VWA3B: variants seen among roughly 807,000 people sequenced by gnomAD.
VWA3B encodes von Willebrand factor A domain containing 3B.
In VWA3B, 138 loss-of-function variants were observed where a neutral mutation model predicts 158.3. The ratio of observed to expected loss-of-function variants is 0.87; its 90% CI spans 0.76 to 1.00. The LOEUF (loss-of-function observed/expected upper bound fraction) is 1.00, where lower values mean the gene tolerates loss of function less well. Ranked by LOEUF, VWA3B falls within the 50% of genes least tolerant of loss-of-function variation. The probability of loss-of-function intolerance (pLI) is 0.00; values close to 1 mark genes in which losing one functional copy is unlikely to be tolerated. For missense variants in VWA3B, 1,555 were observed against 1,565.1 expected (o/e 0.99, Z 0.11); for synonymous variants, 596 against 587.3 (o/e 1.01, Z -0.21).
chr2:98,245,388 TCATA>T (rs1219970867), intron 19 of VWA3B: 2 of 369,838 alleles, frequency 5.4e-6, no homozygotes, highest in African/African-American at 4.2e-5. Context: ...AAATTTGACA[TCATA>T]AAGAAAACAT....
At chr2:98,093,319 C>T in intron 2 of VWA3B, 31 bp downstream of exon 2, 1 of 1,604,856 alleles carries the variant, frequency 6.2e-7, no homozygotes, top group Non-Finnish European at 8.5e-7. Flanking sequence ...CAGCATGCTG[C>T]CATTTAGCCT....
chr2:98,124,197 C>G lies in VWA3B; in HGVS notation c.702+2739C>G, dbSNP rs1411341120. 2.0e-5 allele frequency among the ~76,000 whole-genome samples: 3 copies of G among 152,154 alleles called. No homozygotes were observed. The East Asian group carries it at 5.8e-4, about 29-fold the overall frequency. On this transcript the variant is annotated intron_variant, in intron 5 of 27. Transcript: ENST00000477737. The stretch of plus-strand genomic sequence containing the variant: ...CTTTTCTTTTTTGTGTCTCTGATGC[C>G]TAACAAGGGCTCTATAAATGCTTGT...
At chr2:98,147,401 C>T (rs1387309788) in intron 7 of VWA3B, among the ~76,000 whole-genome samples, 1 of 152,078 alleles carries the variant, frequency 6.6e-6, no homozygotes, top group Non-Finnish European at 1.5e-5. Flanking sequence ...GATATTTACA[C>T]CGTTGGATAT....
chr2:98,218,402 C>T (rs1684211552), intron 14 of VWA3B, among the ~76,000 whole-genome samples: 1 of 152,112 alleles, frequency 6.6e-6, no homozygotes, highest in South Asian at 2.1e-4. Flanking sequence ...TTAAATTCAA[C>T]AATTATCAAT....
intron 19 of VWA3B, chr2:98,245,418 C>T (rs886330112): frequency 2.6e-5 from 10 of 387,054 alleles, no homozygotes; most frequent in East Asian, 7.3e-5. Flanking sequence ...GTGATCTCCA[C>T]GCAGCCACCA....
rs979526600 is a variant in VWA3B, at chr2:98,281,782, T to C, written c.3046-8729T>C. Among the ~76,000 whole-genome samples the C allele has an allele frequency of 2.6e-5, 4 of 152,150 alleles. No individual in the cohort carries two copies. In the South Asian group the frequency reaches 8.3e-4, roughly 32 times the overall value. On this transcript the variant is annotated intron_variant, in intron 22 of 27. Transcript: ENST00000477737. ...GGTGAATTGGATTATCTGAATTTTGTAGACAAGGCTAAATCAAATTACTTA... is the reference window on the plus strand; with the variant it reads ...GGTGAATTGGATTATCTGAATTTTGCAGACAAGGCTAAATCAAATTACTTA...
chr2:98,092,635 T>G (rs939652902), intron 1 of VWA3B, among the ~76,000 whole-genome samples: 8 of 151,586 alleles, frequency 5.3e-5, no homozygotes, highest in Non-Finnish European at 8.8e-5. Flanking sequence ...AGAGCGAGAC[T>G]CCTTCTCAAA....
intron 13 of VWA3B, among the ~76,000 whole-genome samples, chr2:98,215,497 C>T (rs1364572247): frequency 1.3e-5 from 2 of 151,426 alleles, no homozygotes; most frequent in African/African-American, 4.9e-5. Flanking sequence ...GTGCAAATTA[C>T]CCCAAACATA....
chr2:98,095,752 G>C (rs973982783), intron 2 of VWA3B, among the ~76,000 whole-genome samples: 1 of 152,072 alleles, frequency 6.6e-6, no homozygotes, highest in African/African-American at 2.4e-5. Flanking sequence ...GTTAGCTGTG[G>C]GTTTGTCATA....
intron 9 of VWA3B, among the ~76,000 whole-genome samples, chr2:98,184,436 C>A (rs1317143960): frequency 6.6e-6 from 1 of 152,220 alleles, no homozygotes; most frequent in Non-Finnish European, 1.5e-5. Flanking sequence ...AAAACAGCCA[C>A]AATGCAATGC....
chr2:98,133,502 C>T (rs1676028511), intron 6 of VWA3B, among the ~76,000 whole-genome samples: 1 of 152,138 alleles, frequency 6.6e-6, no homozygotes, highest in Non-Finnish European at 1.5e-5. Flanking sequence ...CATGACGGAA[C>T]CCTGGGAACA....
intron 24 of VWA3B, among the ~76,000 whole-genome samples, chr2:98,298,972 C>A (rs1690011475): frequency 6.6e-6 from 1 of 152,212 alleles, no homozygotes; most frequent in Admixed American, 6.5e-5. Flanking sequence ...AGGCACACTC[C>A]CTTTCCCTCT....
chr2:98,292,992 G>T (rs917985644), intron 23 of VWA3B, among the ~76,000 whole-genome samples: 1 of 151,956 alleles, frequency 6.6e-6, no homozygotes, highest in African/African-American at 2.4e-5. Flanking sequence ...AAAAGAAAAT[G>T]CTAAAAGAGA....
At chr2:98,192,779 T>G in intron 10 of VWA3B, 119 bp from the exon 11 acceptor site, 4 of 1,375,616 alleles carry the variant, frequency 2.9e-6, no homozygotes, top group Non-Finnish European at 4.1e-6. Flanking sequence ...TCACAGAAGA[T>G]TGGGTATAAA....
intron 21 of VWA3B, among the ~76,000 whole-genome samples, chr2:98,266,521 C>T (rs879311110): frequency 0.01 from 1,551 of 148,618 alleles, 6 homozygotes; most frequent in African/African-American, 0.021. Flanking sequence ...ATTGACTTGG[C>T]GATGCGGGCT....
chr2:98,163,519 G>A (rs1417579616), intron 8 of VWA3B, among the ~76,000 whole-genome samples: 3 of 152,060 alleles, frequency 2.0e-5, no homozygotes, highest in Non-Finnish European at 4.4e-5. Flanking sequence ...GCCTAGCAAT[G>A]GAGAGAGACT....
At chr2:98,238,062 T>C (rs1046408815) in intron 19 of VWA3B, among the ~76,000 whole-genome samples, 3 of 152,220 alleles carry the variant, frequency 2.0e-5, no homozygotes, top group Non-Finnish European at 4.4e-5. Flanking sequence ...AAAAGACCTT[T>C]TCTAACTGGC....
chr2:98,177,793 G>A (rs563194633), intron 8 of VWA3B, among the ~76,000 whole-genome samples: 6 of 152,228 alleles, frequency 3.9e-5, no homozygotes, highest in Admixed American at 1.3e-4. Context: ...AAACCCTTGC[G>A]AGGATTGGTT....
chr2:98,099,716 T>C (rs1286143789), intron 2 of VWA3B, among the ~76,000 whole-genome samples: 2 of 152,134 alleles, frequency 1.3e-5, no homozygotes, highest in Non-Finnish European at 2.9e-5. Flanking sequence ...GCTCTTTTGA[T>C]GCTTTCCCAT....
Sources: gnomAD v4.1 joint callset for allele counts (sites outside exome capture counted in the v4.1 genomes callset) on GRCh38, gnomAD v4.1.1 for gene constraint, MANE v1.5 for transcripts, NCBI Gene and HGNC (gene_info 2026-07-23, HGNC 2026-07-21) for gene names.